The following GPHN variants were observed in gnomAD, a reference collection of about 807,000 sequenced individuals.
GPHN encodes gephyrin.
GPHN carries 17 observed loss-of-function variants against 95.5 expected under a neutral mutation model. That is an observed-to-expected ratio of 0.18 (90% CI 0.12 to 0.27). The LOEUF (loss-of-function observed/expected upper bound fraction) is 0.27, where lower values mean the gene tolerates loss of function less well. GPHN is among the 10% of genes least tolerant of loss of function. The probability of loss-of-function intolerance (pLI) is 1.00; values close to 1 mark genes in which losing one functional copy is unlikely to be tolerated. For missense variants in GPHN, 660 were observed against 978.1 expected, an observed-to-expected ratio of 0.67 and a Z score of 4.34; for synonymous variants, 320 against 322.5, an observed-to-expected ratio of 0.99 and a Z score of 0.08.
chr14:66,605,825 C>T (rs1336380094), intron 1 of GPHN, among the ~76,000 whole-genome samples: 2 of 152,040 alleles, frequency 1.3e-5, no homozygotes, highest in Non-Finnish European at 2.9e-5. Context: ...AGCCACCGCA[C>T]CTGGCCCCAT....
At chr14:67,577,498 A>C in the GPHN span, 1 of 867,784 alleles carries the variant, frequency 1.2e-6, no homozygotes, top group Non-Finnish European at 1.9e-6. Flanking sequence ...GGGACAACCC[A>C]CAGAGGGATC....
At chr14:66,557,162 T>C (rs561987509) in intron 1 of GPHN, among the ~76,000 whole-genome samples, 12 of 151,880 alleles carry the variant, frequency 7.9e-5, no homozygotes, top group East Asian at 3.9e-4. Flanking sequence ...AGCTAAGATA[T>C]GGCCACTGTA....
chr14:67,315,838 T>A, the GPHN span, among the ~76,000 whole-genome samples: 2 of 152,196 alleles, frequency 1.3e-5, no homozygotes, highest in Admixed American at 6.5e-5. Context: ...GGCATGCGAA[T>A]CCCTTGAACC....
intron 8 of GPHN, 85 bp downstream of exon 8, chr14:66,924,377 G>T: frequency 1.3e-6 from 1 of 790,362 alleles, no homozygotes. Flanking sequence ...ACATATGGAA[G>T]ATGTGTTGTT....
intron 3 of GPHN, among the ~76,000 whole-genome samples, chr14:66,814,530 G>A (rs2060889726): frequency 6.6e-6 from 1 of 152,220 alleles, no homozygotes; most frequent in African/African-American, 2.4e-5. Flanking sequence ...CAGTCCAGGA[G>A]TTGGGAGCTG....
chr14:67,505,805 C>G, the GPHN span, among the ~76,000 whole-genome samples: 2 of 151,776 alleles, frequency 1.3e-5, no homozygotes, highest in Non-Finnish European at 1.5e-5. Flanking sequence ...CTCCAGGGTT[C>G]AAGCAATTCT....
At chr14:67,641,650 G>A in the GPHN span, among the ~76,000 whole-genome samples, 1 of 152,146 alleles carries the variant, frequency 6.6e-6, no homozygotes, top group African/African-American at 2.4e-5. Context: ...TATAATATGT[G>A]AATTTCTTGG....
At chr14:67,458,395 C>T in the GPHN span, among the ~76,000 whole-genome samples, 1 of 152,178 alleles carries the variant, frequency 6.6e-6, no homozygotes, top group African/African-American at 2.4e-5. Context: ...CTACTACCTG[C>T]CAGACCCGCA....
At chr14:67,575,469 C>T in the GPHN span, 1 of 1,592,368 alleles carries the variant, frequency 6.3e-7, no homozygotes, top group East Asian at 2.2e-5. Flanking sequence ...GCCATGAGGA[C>T]AAGGTACTTC....
At chr14:66,552,913 A>G (rs1045880994) in intron 1 of GPHN, among the ~76,000 whole-genome samples, 1 of 150,006 alleles carries the variant, frequency 6.7e-6, no homozygotes, top group Non-Finnish European at 1.5e-5. Flanking sequence ...ATTCTAATGT[A>G]TCTCAGTGTG....
At chr14:66,735,625 G>C (rs897912919) in intron 2 of GPHN, among the ~76,000 whole-genome samples, 4 of 152,088 alleles carry the variant, frequency 2.6e-5, no homozygotes, top group African/African-American at 9.7e-5. Context: ...TTTACTGGGT[G>C]CCATGAAAAC....
the GPHN span, among the ~76,000 whole-genome samples, chr14:67,655,245 T>C: frequency 6.6e-6 from 1 of 151,964 alleles, no homozygotes; most frequent in Admixed American, 6.6e-5. Context: ...GAGGATCACT[T>C]GAGCCCAGGA....
intron 1 of GPHN, among the ~76,000 whole-genome samples, chr14:66,632,078 C>T (rs2153341536): frequency 6.6e-6 from 1 of 152,124 alleles, no homozygotes; most frequent in African/African-American, 2.4e-5. Context: ...CATTTTAATC[C>T]TGCTAGCTCT....
chr14:67,642,750 A>G, the GPHN span, among the ~76,000 whole-genome samples: 44 of 149,812 alleles, frequency 2.9e-4, no homozygotes, highest in African/African-American at 1.1e-3. Context: ...CATTTCTGCT[A>G]ATAGACCTGT....
intron 1 of GPHN, among the ~76,000 whole-genome samples, chr14:66,549,175 T>C (rs2059722952): frequency 6.6e-6 from 1 of 152,208 alleles, no homozygotes; most frequent in Admixed American, 6.5e-5. Context: ...TCTTAACTTT[T>C]ATTTTAGTTT....
At chr14:67,115,683 T>C (rs2078645244) in intron 16 of GPHN, among the ~76,000 whole-genome samples, 1 of 151,026 alleles carries the variant, frequency 6.6e-6, no homozygotes, top group Non-Finnish European at 1.5e-5. Flanking sequence ...TGCAGTGAGC[T>C]GAGATCGTGC....
chr14:67,238,016 C>G, the GPHN span, among the ~76,000 whole-genome samples: 5 of 152,062 alleles, frequency 3.3e-5, no homozygotes, highest in Admixed American at 3.3e-4. Context: ...GTAGTTAACC[C>G]CTTTACATTA....
the GPHN span, among the ~76,000 whole-genome samples, chr14:67,662,161 AAAC>A: frequency 7.9e-5 from 12 of 151,190 alleles, no homozygotes; most frequent in Admixed American, 3.3e-4. Context: ...GTCTCAAAAC[AAAC>A]AACAACAACA....
At chr14:66,712,522 A>G (rs558906748) in intron 2 of GPHN, among the ~76,000 whole-genome samples, 17 of 152,292 alleles carry the variant, frequency 1.1e-4, no homozygotes, top group Admixed American at 4.6e-4. Context: ...ATTTTCTCCC[A>G]TTCTGGAGAT....
Sources: gnomAD v4.1 joint callset for allele counts (sites outside exome capture counted in the v4.1 genomes callset) on GRCh38, gnomAD v4.1.1 for gene constraint, MANE v1.5 for transcripts, NCBI Gene and HGNC (gene_info 2026-07-23, HGNC 2026-07-21) for gene names.